The following ANKRD26 variants were observed in gnomAD, a reference collection of about 807,000 sequenced individuals.
The protein encoded by ANKRD26 is ankyrin repeat domain-containing protein 26.
In ANKRD26, 141 loss-of-function variants were observed where a neutral mutation model predicts 208.7. That is an observed-to-expected ratio of 0.68 (90% CI 0.59 to 0.78). ANKRD26 has a LOEUF of 0.78. Ranked by LOEUF, ANKRD26 falls within the 30% of genes least tolerant of loss-of-function variation. ANKRD26 has a pLI of 0.00. For synonymous variants in ANKRD26, 636 were observed against 660.4 expected, an observed-to-expected ratio of 0.96 and a Z score of 0.57; for missense variants, 1,889 against 1,938.7, an observed-to-expected ratio of 0.97 and a Z score of 0.48.
chr10:26,958,476 T>G, the ANKRD26 span, among the ~76,000 whole-genome samples: 1 of 152,088 alleles, frequency 6.6e-6, no homozygotes, highest in African/African-American at 2.4e-5. Flanking sequence ...CCAGTGTGTG[T>G]TGTTCCCCCC....
intron 28 of ANKRD26, among the ~76,000 whole-genome samples, chr10:27,023,345 A>G (rs1029281891): frequency 2.6e-5 from 4 of 152,100 alleles, no homozygotes; most frequent in Admixed American, 6.6e-5. Context: ...AGGGAAAAAA[A>G]AAAAGAAAAG....
intron 15 of ANKRD26, among the ~76,000 whole-genome samples, chr10:27,055,991 T>C (rs1432706649): frequency 6.6e-6 from 1 of 152,188 alleles, no homozygotes; most frequent in Admixed American, 6.5e-5. Context: ...ATAACCCTGC[T>C]ACTGACTCTC....
At chr10:27,008,956 C>T (rs1426134373) in intron 32 of ANKRD26, among the ~76,000 whole-genome samples, 1 of 152,174 alleles carries the variant, frequency 6.6e-6, no homozygotes. Context: ...TCTCCTGCCT[C>T]AGCCTCCTGA....
chr10:26,961,479 G>A, the ANKRD26 span, among the ~76,000 whole-genome samples: 1 of 152,140 alleles, frequency 6.6e-6, no homozygotes, highest in Non-Finnish European at 1.5e-5. Flanking sequence ...TCCCAGCTCA[G>A]CCACTTGCTC....
At chr10:27,078,309 C>T (rs1232562787) in intron 7 of ANKRD26, among the ~76,000 whole-genome samples, 1 of 152,094 alleles carries the variant, frequency 6.6e-6, no homozygotes, top group African/African-American at 2.4e-5. Flanking sequence ...CACATAACTA[C>T]ATAAATAGAA....
intron 32 of ANKRD26, among the ~76,000 whole-genome samples, chr10:27,010,038 TAAGG>T (rs1429770348): frequency 6.6e-6 from 1 of 152,206 alleles, no homozygotes; most frequent in Admixed American, 6.5e-5. Flanking sequence ...GATTAAGGGA[TAAGG>T]AAGTCACAGC....
the ANKRD26 span, among the ~76,000 whole-genome samples, chr10:26,951,447 C>A: frequency 1.3e-5 from 2 of 151,894 alleles, no homozygotes; most frequent in Non-Finnish European, 2.9e-5. Flanking sequence ...TACAATTTTC[C>A]TTATATAGAT....
chr10:27,024,620 C>T, intron 27 of ANKRD26, 61 bp from the exon 28 acceptor site: 1 of 976,288 alleles, frequency 1.0e-6, no homozygotes. Context: ...TTTCTTAAAA[C>T]TATTATTTCT....
At chr10:27,082,657 G>T in intron 6 of ANKRD26, 146 bp downstream of exon 6, 2 of 1,206,808 alleles carry the variant, frequency 1.7e-6, no homozygotes, top group Non-Finnish European at 2.2e-6. Context: ...CAGTTGGGTT[G>T]TAATATAGCA....
intron 4 of ANKRD26, 87 bp downstream of exon 4, chr10:27,092,319 A>C: frequency 9.9e-7 from 1 of 1,008,024 alleles, no homozygotes; most frequent in East Asian, 2.6e-5. Flanking sequence ...AAGCAGGTTT[A>C]AAAAACCTGT....
At chr10:26,956,828 A>G in the ANKRD26 span, among the ~76,000 whole-genome samples, 3 of 152,190 alleles carry the variant, frequency 2.0e-5, no homozygotes, top group Non-Finnish European at 4.4e-5. Context: ...GAATTATTTG[A>G]TGGAAATGCT....
At chr10:27,093,929 GGCTGTGTCCCCAA>G in intron 1 of ANKRD26, 130 bp from the exon 2 acceptor site, 1 of 798,424 alleles carries the variant, frequency 1.3e-6, no homozygotes, top group East Asian at 2.7e-5. Context: ...ATCTCATCTT[GGCTGTGTCCCCAA>G]CCAAATCCCA....
intron 33 of ANKRD26, among the ~76,000 whole-genome samples, chr10:27,006,174 T>C (rs1330238727): frequency 1.3e-5 from 2 of 152,174 alleles, no homozygotes; most frequent in Non-Finnish European, 2.9e-5. Context: ...GGCTTTTTGA[T>C]GGAGGCAATA....
At chr10:27,086,402 A>T in intron 5 of ANKRD26, 137 bp downstream of exon 5, 1 of 1,112,128 alleles carries the variant, frequency 9.0e-7, no homozygotes, top group Non-Finnish European at 1.2e-6. Context: ...TAGATTACCA[A>T]GAGAAATTAA....
downstream of ANKRD26, among the ~76,000 whole-genome samples, chr10:26,971,239 C>T (rs923523329): frequency 5.9e-5 from 9 of 152,110 alleles, no homozygotes; most frequent in South Asian, 2.1e-4. Flanking sequence ...CAAAATTAGC[C>T]GAGCTTGGTG....
intron 22 of ANKRD26, 58 bp from the exon 23 acceptor site, chr10:27,037,381 C>G: frequency 1.9e-6 from 3 of 1,575,442 alleles, no homozygotes; most frequent in Non-Finnish European, 8.7e-7. Context: ...AAAAGGTTAA[C>G]AAGAGCAGAA....
In ANKRD26 at chr10:27,020,926, G is replaced by C. The variant is rs189878611; in HGVS notation, c.4215+1632C>G. On this transcript the variant is annotated intron_variant, in intron 29 of 33. Coordinates refer to ENST00000376087, the MANE Select transcript of ANKRD26 (RefSeq NM_014915.3). ...ATCAGCCTACCTTGGCTTCCAAAAT[G>C]CTGGAATTACAGGCATGAGCCACCG... Among the ~76,000 whole-genome samples, 3 of 152,130 alleles carry C rather than the reference G, an allele frequency of 2.0e-5. No homozygotes were observed. In the East Asian group the frequency reaches 5.8e-4, roughly 29 times the overall value.
intron 9 of ANKRD26, among the ~76,000 whole-genome samples, chr10:27,074,785 A>G (rs1350885777): frequency 6.6e-6 from 1 of 152,076 alleles, no homozygotes; most frequent in African/African-American, 2.4e-5. Context: ...CAATCAGACA[A>G]AAATAAAAAG....
At chr10:27,030,494 C>T (rs78238061) in intron 25 of ANKRD26, 15 of 985,224 alleles carry the variant, frequency 1.5e-5, no homozygotes, top group African/African-American at 1.7e-5. Flanking sequence ...GCTGCTTTAG[C>T]GAGCACTCTG....
Sources: gnomAD v4.1 joint callset for allele counts (sites outside exome capture counted in the v4.1 genomes callset) on GRCh38, gnomAD v4.1.1 for gene constraint, MANE v1.5 for transcripts, NCBI Gene and HGNC (gene_info 2026-07-23, HGNC 2026-07-21) for gene names.